ASIC2: variants seen among roughly 807,000 people sequenced by gnomAD.
ASIC2 encodes acid sensing ion channel subunit 2.
A neutral mutation model predicts 57.3 loss-of-function variants in ASIC2; 25 were observed. The ratio of observed to expected loss-of-function variants is 0.44; its 90% CI spans 0.32 to 0.61. The LOEUF is 0.61. ASIC2 is among the 20% of genes least tolerant of loss of function. The pLI is 0.06. For missense variants in ASIC2, 641 were observed against 738.1 expected, an observed-to-expected ratio of 0.87 and a Z score of 1.52; for synonymous variants, 319 against 307.5, an observed-to-expected ratio of 1.04 and a Z score of -0.39.
At chr17:33,936,869 A>G (rs1339192183) in intron 1 of ASIC2, 5 of 152,296 alleles carry the variant, frequency 3.3e-5, no homozygotes, top group African/African-American at 1.2e-4. Context: ...CAGTTTCCTC[A>G]TGTGTACAGC....
At chr17:33,090,246 C>G (rs1342657927) in intron 2 of ASIC2, among the ~76,000 whole-genome samples, 1 of 152,238 alleles carries the variant, frequency 6.6e-6, no homozygotes, top group Admixed American at 6.5e-5. Flanking sequence ...CCACCCAAAG[C>G]AACTCTTTCT....
intron 1 of ASIC2, among the ~76,000 whole-genome samples, chr17:33,329,464 T>C (rs921603305): frequency 1.3e-5 from 2 of 152,184 alleles, no homozygotes; most frequent in Admixed American, 6.5e-5. Flanking sequence ...AGACTCTGTG[T>C]TACAGCTGCT....
intron 1 of ASIC2, among the ~76,000 whole-genome samples, chr17:33,207,978 T>C (rs778012952): frequency 6.6e-6 from 1 of 152,212 alleles, no homozygotes; most frequent in Non-Finnish European, 1.5e-5. Flanking sequence ...TGGGATCATC[T>C]CCCAAATAAA....
chr17:33,521,043 ATT>A lies in ASIC2; in HGVS notation c.556-408978_556-408977del. ...GCCAGGAGTCTGAATAATAATAATTATTATTATTATTTCATAACAGGCAGGCA... is the reference window on the plus strand; with the variant it reads ...GCCAGGAGTCTGAATAATAATAATTAATTATTATTTCATAACAGGCAGGCA... On this transcript the variant is annotated intron_variant, in intron 1 of 9. Transcript: ENST00000359872. Among the ~76,000 whole-genome samples, 3 of 152,032 alleles carry A rather than the reference ATT, an allele frequency of 2.0e-5. No homozygotes were observed. The South Asian group carries it at 6.3e-4, about 32-fold the overall frequency.
At chr17:33,579,700 G>T (rs185325700) in intron 1 of ASIC2, among the ~76,000 whole-genome samples, 11 of 152,138 alleles carry the variant, frequency 7.2e-5, no homozygotes, top group Non-Finnish European at 1.3e-4. Flanking sequence ...ACAGACCTTC[G>T]CAGCCAGCGT....
chr17:33,984,942 G>A (rs1905763782), intron 1 of ASIC2, among the ~76,000 whole-genome samples: 1 of 152,144 alleles, frequency 6.6e-6, no homozygotes, highest in Non-Finnish European at 1.5e-5. Flanking sequence ...CTTTCTAGAG[G>A]ACACCAGAAA....
chr17:33,753,896 A>G (rs1234870085), intron 1 of ASIC2, among the ~76,000 whole-genome samples: 1 of 152,194 alleles, frequency 6.6e-6, no homozygotes, highest in Non-Finnish European at 1.5e-5. Context: ...CAATGTATCA[A>G]TATTGGCTCA....
intron 1 of ASIC2, among the ~76,000 whole-genome samples, chr17:33,950,302 T>C (rs1392809634): frequency 6.6e-6 from 1 of 152,174 alleles, no homozygotes; most frequent in African/African-American, 2.4e-5. Flanking sequence ...GGCCTACTCC[T>C]CCAGCTGGAG....
Position 33,547,800 on chromosome 17 carries a change from A to G in ASIC2, c.556-435733T>C, listed in dbSNP as rs191736065. Among the ~76,000 whole-genome samples the G allele has an allele frequency of 9.2e-5, 14 of 152,332 alleles. No individual in the cohort carries two copies. The East Asian group carries it at 2.7e-3, about 29-fold the overall frequency. On this transcript the variant is annotated intron_variant, in intron 1 of 9. Transcript: ENST00000359872. ...TCCCCTTGCAGAATGCTAGAATGCT[A>G]GGAGACAGAATGCTAGACCAGTCTC...
At chr17:34,122,304 G>T (rs1012711747) in intron 1 of ASIC2, among the ~76,000 whole-genome samples, 32 of 152,190 alleles carry the variant, frequency 2.1e-4, no homozygotes, top group African/African-American at 7.5e-4. Flanking sequence ...GCAAGTGGCA[G>T]AAGGGGCACA....
At chr17:33,804,063 G>C (rs754014304) in intron 1 of ASIC2, among the ~76,000 whole-genome samples, 1 of 152,178 alleles carries the variant, frequency 6.6e-6, no homozygotes, top group African/African-American at 2.4e-5. Context: ...AAGTCAGCTT[G>C]AGACCTTTCC....
intron 1 of ASIC2, among the ~76,000 whole-genome samples, chr17:33,135,176 A>C (rs2092362798): frequency 6.6e-6 from 1 of 152,052 alleles, no homozygotes; most frequent in African/African-American, 2.4e-5. Flanking sequence ...CGTCCTGCTC[A>C]TCCTTCTTCC....
At chr17:33,268,238 T>G (rs1179617502) in intron 1 of ASIC2, among the ~76,000 whole-genome samples, 2 of 152,164 alleles carry the variant, frequency 1.3e-5, no homozygotes, top group African/African-American at 4.8e-5. Context: ...ATATAATCCC[T>G]TTTGCTTATT....
chr17:33,190,744 G>A (rs1162630827), intron 1 of ASIC2, among the ~76,000 whole-genome samples: 3 of 152,110 alleles, frequency 2.0e-5, no homozygotes, highest in African/African-American at 7.2e-5. Context: ...AGTCATTAAG[G>A]AAATGCAAAT....
intron 3 of ASIC2, among the ~76,000 whole-genome samples, chr17:33,081,500 G>T (rs948104329): frequency 2.0e-5 from 3 of 151,908 alleles, no homozygotes; most frequent in Admixed American, 2.0e-4. Context: ...TATTTATGCG[G>T]CTCCATCTTT....
chr17:33,505,542 G>A (rs1567633393), intron 1 of ASIC2, among the ~76,000 whole-genome samples: 1 of 152,134 alleles, frequency 6.6e-6, no homozygotes, highest in Non-Finnish European at 1.5e-5. Context: ...TCAAATTTGT[G>A]TCTGACCTAA....
intron 2 of ASIC2, among the ~76,000 whole-genome samples, chr17:33,102,314 T>C (rs1006829322): frequency 2.6e-5 from 4 of 152,250 alleles, no homozygotes; most frequent in African/African-American, 9.6e-5. Flanking sequence ...GTCACTTTGC[T>C]TTGGCTGCTT....
At chr17:33,639,218 C>T (rs1906474849) in intron 1 of ASIC2, among the ~76,000 whole-genome samples, 1 of 151,928 alleles carries the variant, frequency 6.6e-6, no homozygotes, top group South Asian at 2.1e-4. Context: ...CAGAATGAAG[C>T]AATGTGTGTG....
intron 1 of ASIC2, among the ~76,000 whole-genome samples, chr17:33,146,437 C>A (rs73982435): frequency 6.6e-6 from 1 of 151,996 alleles, no homozygotes; most frequent in Non-Finnish European, 1.5e-5. Context: ...TGGCTGGCTG[C>A]GGACCTATTC....
Sources: allele counts gnomAD v4.1 joint callset (sites outside exome capture counted in the v4.1 genomes callset), GRCh38; gene constraint gnomAD v4.1.1; transcripts MANE v1.5; gene names NCBI Gene and HGNC (gene_info 2026-07-23, HGNC 2026-07-21).